The following PBK variants were observed in gnomAD, a reference collection of about 807,000 sequenced individuals.
The protein encoded by PBK is lymphokine-activated killer T-cell-originated protein kinase.
Under a neutral mutation model 33.5 loss-of-function variants are expected in PBK, and 22 were observed. That is an observed-to-expected ratio of 0.66 (90% CI 0.47 to 0.94). The LOEUF (loss-of-function observed/expected upper bound fraction) is 0.94. PBK is among the 40% of genes least tolerant of loss of function. PBK has a pLI of 0.00. For missense variants in PBK, 376 were observed against 383.4 expected (o/e 0.98, Z 0.16); for synonymous variants, 129 against 123.8 (o/e 1.04, Z -0.28).
intron 2 of PBK, among the ~76,000 whole-genome samples, chr8:27,829,143 T>C (rs10101072): frequency 0.16 from 23,909 of 152,090 alleles, 2,385 homozygotes; most frequent in East Asian, 0.37. Context: ...TCTGAACAGT[T>C]TCTCTTTGAG....
rs2272691 is a variant in PBK at position 27,810,998 on chromosome 8, C to T, written c.732G>A (p.Ser244=). The T allele has an allele frequency of 4.7e-3, 7,517 of 1,610,960 alleles. 143 individuals are homozygous for T. The African/African-American group carries it at 0.052, about 11-fold the overall frequency. ...CATTTGAAAGATTAATGTGTGGAAT[C>T]GATAAAGTCATCATTTCCCACAAAG... ...GLTLWEMMTL[S]IPHINLSNDD... Residue 244 remains serine, a synonymous_variant, in exon 7 of 8, where the codon TCG becomes TCA. Coordinates refer to ENST00000301905, the MANE Select transcript of PBK (RefSeq NM_018492.4).
Position 27,810,267 on chromosome 8 carries a change from A to G in PBK, c.*38T>C, listed in dbSNP as rs1352707131. ...ACTATGTAAATATTTTGGAATAAACAGTTATTTACGCAAGCCACACTTCAG... is the reference window on the plus strand; with the variant it reads ...ACTATGTAAATATTTTGGAATAAACGGTTATTTACGCAAGCCACACTTCAG... On this transcript the variant is annotated 3_prime_UTR_variant, in exon 8 of 8. Coordinates refer to ENST00000301905, the MANE Select transcript of PBK (RefSeq NM_018492.4). 2 of 1,371,352 alleles carry G rather than the reference A, an allele frequency of 1.5e-6. No individual in the cohort carries two copies. The highest frequency in any genetic ancestry group is 1.0e-6 in the Non-Finnish European group (1 of 967,662). The allele number at this position is 1,371,352 out of a possible 1,614,324, so 84.9% of individuals were successfully genotyped here. A position where few individuals can be genotyped will look rare whatever the true frequency, so the allele number is the denominator to read the frequency against.
intron 6 of PBK, among the ~76,000 whole-genome samples, chr8:27,816,314 CA>C (rs1805809011): frequency 6.8e-6 from 1 of 148,028 alleles, no homozygotes; most frequent in South Asian, 2.1e-4. Flanking sequence ...TTGAGATAAA[CA>C]CTTAAGATTT....
At chr8:27,834,879 G>C (rs1806199276) in intron 1 of PBK, among the ~76,000 whole-genome samples, 1 of 149,462 alleles carries the variant, frequency 6.7e-6, no homozygotes, top group African/African-American at 2.5e-5. Flanking sequence ...CTGGGCAAAA[G>C]AGCAAGATTC....
At chr8:27,827,623 C>T (rs117247336) in intron 3 of PBK, among the ~76,000 whole-genome samples, 3 of 152,192 alleles carry the variant, frequency 2.0e-5, no homozygotes, top group African/African-American at 7.2e-5. Flanking sequence ...TTTCTTAACA[C>T]AATATTCCTA....
At chr8:27,816,901 C>A (rs574174341) in intron 6 of PBK, among the ~76,000 whole-genome samples, 1 of 152,062 alleles carries the variant, frequency 6.6e-6, no homozygotes, top group African/African-American at 2.4e-5. Context: ...TAAACCACCC[C>A]TTATTGGTGG....
At chr8:27,822,598 T>C (rs1805951890) in intron 4 of PBK, 110 bp from the exon 5 acceptor site, 3 of 665,740 alleles carry the variant, frequency 4.5e-6, no homozygotes, top group East Asian at 5.9e-5. Context: ...CTGACAAATA[T>C]ACAATGAAAC....
intron 3 of PBK, among the ~76,000 whole-genome samples, chr8:27,824,599 C>T (rs989336785): frequency 2.6e-5 from 4 of 152,120 alleles, no homozygotes; most frequent in Admixed American, 2.0e-4. Context: ...AATTTAATCA[C>T]CAGTTTAAAA....
At chr8:27,826,936 G>T (rs930966563) in intron 3 of PBK, among the ~76,000 whole-genome samples, 1 of 151,858 alleles carries the variant, frequency 6.6e-6, no homozygotes, top group Non-Finnish European at 1.5e-5. Context: ...ATAAACCTGT[G>T]AGAATTTTTT....
At chr8:27,833,373 G>A (rs1319150086) in intron 1 of PBK, among the ~76,000 whole-genome samples, 1 of 152,128 alleles carries the variant, frequency 6.6e-6, no homozygotes, top group Admixed American at 6.5e-5. Context: ...GCCAGGCGTG[G>A]TGGCGCATGC....
chr8:27,830,205 G>GAAAAAAAAA (rs35191143), intron 2 of PBK, among the ~76,000 whole-genome samples: 1 of 92,950 alleles, frequency 1.1e-5, no homozygotes, highest in Non-Finnish European at 2.2e-5. Context: ...TCTGTCTCAA[G>GAAAAAAAAA]AAAAAAAAAA....
intron 3 of PBK, among the ~76,000 whole-genome samples, chr8:27,823,690 A>T (rs1805973122): frequency 1.3e-5 from 2 of 152,040 alleles, no homozygotes; most frequent in African/African-American, 2.4e-5. Context: ...TGACCAATTC[A>T]CCTTATACCT....
chr8:27,826,985 A>T (rs910907876), intron 3 of PBK, among the ~76,000 whole-genome samples: 5 of 152,200 alleles, frequency 3.3e-5, no homozygotes. Context: ...AACAAATTAG[A>T]AAACAATACC....
intron 1 of PBK, among the ~76,000 whole-genome samples, chr8:27,836,909 G>A (rs1029354434): frequency 2.6e-5 from 4 of 152,146 alleles, no homozygotes; most frequent in African/African-American, 9.7e-5. Context: ...TTTCCAGACT[G>A]CACACTCAGG....
At chr8:27,826,600 T>G (rs1806028292) in intron 3 of PBK, among the ~76,000 whole-genome samples, 1 of 108,882 alleles carries the variant, frequency 9.2e-6, no homozygotes, top group South Asian at 3.2e-4. Context: ...ATCGAGACCA[T>G]CCTGGCTAAC....
chr8:27,817,471 ATG>A (rs902407280), intron 6 of PBK, among the ~76,000 whole-genome samples: 3 of 152,132 alleles, frequency 2.0e-5, no homozygotes. Context: ...TGCAGATTTA[ATG>A]TGTTAGTATC....
chr8:27,820,455 A>G lies in PBK; in HGVS notation c.595+110T>C, dbSNP rs531662360. 1.5e-4 allele frequency: 107 copies of G among 711,312 alleles called. No individual in the cohort carries two copies. In the African/African-American group the frequency reaches 1.7e-3, roughly 11 times the overall value. 44.1% of individuals were successfully genotyped at this position (711,312 alleles called of 1,614,324 possible). ...AGAGAAAAAAAGGGGACTTTTTACC[A>G]TATACTTTTTAAAAATAGTTTTTGA... is the stretch of plus-strand genomic sequence containing the variant. On this transcript the variant is annotated intron_variant, in intron 6 of 7. Coordinates refer to ENST00000301905, the MANE Select transcript of PBK (RefSeq NM_018492.4).
At position 27,820,739 on chromosome 8, in the gene PBK, T is replaced by A. The variant is rs1323970439; in HGVS notation, c.466-45A>T. 5 of 1,134,888 alleles carry A rather than the reference T, an allele frequency of 4.4e-6. No homozygotes were observed. The African/African-American group carries it at 6.4e-5, about 15-fold the overall frequency. 70.3% of individuals were successfully genotyped at this position (1,134,888 alleles called of 1,614,324 possible). A position where few individuals can be genotyped will look rare whatever the true frequency, so the allele number is the denominator to read the frequency against. On this transcript the variant is annotated intron_variant, in intron 5 of 7. Coordinates refer to ENST00000301905, the MANE Select transcript of PBK (RefSeq NM_018492.4). ...AACACATATGTGCAGAAACACAAAC[T>A]AATAAAAAAATGTGATAACCTCCAA...
At chr8:27,826,795 C>CAAAAAAA (rs5890381) in intron 3 of PBK, among the ~76,000 whole-genome samples, 2 of 66,226 alleles carry the variant, frequency 3.0e-5, no homozygotes, top group Non-Finnish European at 2.7e-5. Context: ...GACTCCGTCT[C>CAAAAAAA]AAAAAAAAAA....
Sources: allele counts gnomAD v4.1 joint callset (sites outside exome capture counted in the v4.1 genomes callset), GRCh38; gene constraint gnomAD v4.1.1; transcripts MANE v1.5; gene names NCBI Gene and HGNC (gene_info 2026-07-23, HGNC 2026-07-21).